The following EPHA10 variants were observed in gnomAD, a reference collection of about 807,000 sequenced individuals.
EPHA10 encodes the protein ephrin type-A receptor 10.
A neutral mutation model predicts 109.7 loss-of-function variants in EPHA10; 120 were observed. That is an observed-to-expected ratio of 1.09 (90% CI 0.94 to 1.27). The LOEUF is 1.27. EPHA10 is among the 50% of genes most tolerant of loss of function. The pLI, the probability that EPHA10 is intolerant of heterozygous loss-of-function variation, is 0.00. For synonymous variants in EPHA10, 640 were observed against 618.9 expected (o/e 1.03, Z -0.51); for missense variants, 1,396 against 1,411.1 (o/e 0.99, Z 0.17).
At position 37,719,540 on chromosome 1, in the gene EPHA10, C is replaced by T. The variant is rs200423720; in HGVS notation, c.2630G>A (p.Arg877Gln). ...PPRNCPNLLH[R>Q]LMLDCWQKDP... Reference sequence around the variant, plus strand: ...CTTCTGCCAGCAGTCGAGCATTAGTCGGTGCAGAAGGTTAGGACAGTTCCT... The same window carrying T: ...CTTCTGCCAGCAGTCGAGCATTAGTTGGTGCAGAAGGTTAGGACAGTTCCT... The change falls in exon 15 of 17, where the codon CGA (arginine) becomes CAA (glutamine). Residue 877 changes from arginine to glutamine, a missense_variant. Coordinates refer to ENST00000373048, the MANE Select transcript of EPHA10 (RefSeq NM_001099439.2). 3.4e-5 allele frequency: 55 copies of T among 1,613,926 alleles called. No homozygotes were observed. The African/African-American group carries it at 4.5e-4, about 13-fold the overall frequency.
At chr1:37,734,941 C>T (rs902465465) in intron 6 of EPHA10, among the ~76,000 whole-genome samples, 1 of 152,106 alleles carries the variant, frequency 6.6e-6, no homozygotes, top group Non-Finnish European at 1.5e-5. Context: ...TAAAAGGGCT[C>T]TACAAATGAT....
In EPHA10 at chr1:37,739,153, TAAAAA is replaced by T. The variant is rs375305312; in HGVS notation, c.1358-3768_1358-3764del. Among the ~76,000 whole-genome samples, 1,323 of 150,826 alleles carry T rather than the reference TAAAAA, an allele frequency of 8.8e-3. 16 individuals are homozygous for T. The highest frequency in any genetic ancestry group is 0.03 in the African/African-American group (1,235 of 40,982). ...TACCCTAGAACTTAAAGTATAATAATAAAAAAGAGTTAAAAAAAAGAAAAGAAAAA... is the reference window on the plus strand; with the variant it reads ...TACCCTAGAACTTAAAGTATAATAATAGAGTTAAAAAAAAGAAAAGAAAAA... On this transcript the variant is annotated intron_variant, in intron 5 of 16. Coordinates refer to ENST00000373048, the MANE Select transcript of EPHA10 (RefSeq NM_001099439.2).
At chr1:37,730,911 C>T (rs946927005) in intron 7 of EPHA10, among the ~76,000 whole-genome samples, 4 of 152,106 alleles carry the variant, frequency 2.6e-5, no homozygotes, top group Non-Finnish European at 5.9e-5. Flanking sequence ...AGGCTGGTCT[C>T]GAACTCCTGA....
downstream of EPHA10, among the ~76,000 whole-genome samples, chr1:37,715,493 C>T (rs1645678178): frequency 6.6e-6 from 1 of 152,124 alleles, no homozygotes; most frequent in African/African-American, 2.4e-5. Flanking sequence ...CTGGCTTCTA[C>T]CCCCATCTGA....
In EPHA10 at chr1:37,721,646, G is replaced by A; in HGVS notation, c.2146+14C>T. 3.1e-6 allele frequency: 5 copies of A among 1,593,924 alleles called. No homozygotes were observed. Among genetic ancestry groups the A allele is most frequent in the Non-Finnish European group, 4.3e-6 (5 of 1,168,874 alleles). On this transcript the variant is annotated intron_variant, in intron 11 of 16. Transcript: ENST00000373048. ...CCGTGGGCTGGGCAGCAGGAAGGGA[G>A]CACCGGGCCCTACCTCGGGTAACAA... is the stretch of plus-strand genomic sequence containing the variant.
chr1:37,742,319 A>G (rs1646167596), intron 5 of EPHA10, among the ~76,000 whole-genome samples: 1 of 152,184 alleles, frequency 6.6e-6, no homozygotes, highest in African/African-American at 2.4e-5. Context: ...TGACTTGGGT[A>G]ACTTCTGGCT....
At position 37,719,468 on chromosome 1, in the gene EPHA10, C is replaced by A; in HGVS notation, c.2702G>T (p.Ser901Ile). The change falls in exon 15 of 17, where the codon AGC becomes ATC. Residue 901 changes from serine to isoleucine, a missense_variant. Ser to Ile is a moderately radical substitution (Grantham distance 142, BLOSUM62 -2). Transcript: ENST00000373048. ...GGGCTCTGGGTCCTGCACCATCTTG[C>A]TCAGGATGCTGTGGATCTGGGAGAA... ...PRFSQIHSIL[S>I]KMVQDPEPPK... 6.2e-7 allele frequency: 1 copy of A among 1,613,978 alleles called. No individual in the cohort carries two copies. Among genetic ancestry groups the A allele is most frequent in the Non-Finnish European group, 8.5e-7 (1 of 1,180,012 alleles).
In EPHA10 at chr1:37,719,405, G is replaced by A. The variant is rs1250398348; in HGVS notation, c.2756+9C>T. ...GGTGAGAGGCTGGCTGTCCCATGTG[G>A]GAACGTACCTGGGACAGGTAGTCAG... On this transcript the variant is annotated intron_variant, in intron 15 of 16. Transcript: ENST00000373048. The A allele has an allele frequency of 6.2e-7, 1 of 1,609,368 alleles. No homozygotes were observed. The highest frequency in any genetic ancestry group is 1.3e-5 in the African/African-American group (1 of 74,884).
At chr1:37,760,519 C>T in intron 3 of EPHA10, 2 of 970,178 alleles carry the variant, frequency 2.1e-6, no homozygotes, top group Non-Finnish European at 2.5e-6. Context: ...ATCCCTCTCT[C>T]CAGCATAAAA....
chr1:37,737,975 A>G (rs1394505169), intron 5 of EPHA10: 1 of 41,592 alleles, frequency 2.4e-5, no homozygotes, highest in Non-Finnish European at 5.0e-5. Flanking sequence ...CAAGCGAGGC[A>G]GTGGGAGTGG....
intron 5 of EPHA10, among the ~76,000 whole-genome samples, chr1:37,750,662 C>G (rs1646308501): frequency 6.6e-6 from 1 of 151,846 alleles, no homozygotes; most frequent in Non-Finnish European, 1.5e-5. Context: ...TCGCTGCAGC[C>G]TCAAACTCCT....
Position 37,753,106 on chromosome 1 carries a change from A to C in EPHA10, c.1127T>G (p.Leu376Arg). 7.2e-7 allele frequency: 1 copy of C among 1,385,774 alleles called. No homozygotes were observed. The highest frequency in any genetic ancestry group is 2.9e-5 in the Admixed American group (1 of 34,708). 85.8% of individuals were successfully genotyped at this position (1,385,774 alleles called of 1,614,324 possible). ...GGRSDVTYSL[L>R]CLRCGREGPA... ...GCCCTCGCGGCCGCAGCGCAGGCAC[A>C]GCAGCGAGTAGGTGACGTCCGAGCG... The change falls in exon 5 of 17, where the codon CTG (leucine) becomes CGG (arginine). Residue 376 changes from leucine (L) to arginine (R), a missense_variant. Transcript: ENST00000373048.
In EPHA10 at chr1:37,760,375, G is replaced by A. The variant is rs563839735; in HGVS notation, c.850+1030C>T. 47 of 1,053,434 alleles carry A rather than the reference G, an allele frequency of 4.5e-5. 1 individual carries two copies. In the South Asian group the frequency reaches 1.8e-3, roughly 40 times the overall value. The allele number at this position is 1,053,434 out of a possible 1,614,324, so 65.3% of individuals were successfully genotyped here. Reference sequence around the variant, plus strand: ...CCACAGGCAAGAGAGAGAATGAGAGGTCTGTTCCTAATGCCCCCACTAGCC... The same window carrying A: ...CCACAGGCAAGAGAGAGAATGAGAGATCTGTTCCTAATGCCCCCACTAGCC... On this transcript the variant is annotated intron_variant, in intron 3 of 16. Coordinates refer to ENST00000373048, the MANE Select transcript of EPHA10 (RefSeq NM_001099439.2).
At chr1:37,731,651 C>T in intron 6 of EPHA10, 69 bp from the exon 7 acceptor site, 1 of 1,478,568 alleles carries the variant, frequency 6.8e-7, no homozygotes, top group Non-Finnish European at 9.1e-7. Context: ...AAAGGGTGAA[C>T]AGGAACAGGG....
chr1:37,721,246 C>T (rs1380854788), intron 11 of EPHA10, among the ~76,000 whole-genome samples: 10 of 145,426 alleles, frequency 6.9e-5, no homozygotes, highest in South Asian at 2.2e-4. Context: ...GGTGAAACCC[C>T]GTCTCTACTA....
At chr1:37,736,243 G>A (rs1353404735) in intron 5 of EPHA10, among the ~76,000 whole-genome samples, 9 of 152,070 alleles carry the variant, frequency 5.9e-5, no homozygotes, top group African/African-American at 2.2e-4. Context: ...ACGTCAGGTC[G>A]AGGCAGGTGG....
At position 37,719,322 on chromosome 1, in the gene EPHA10, G is replaced by C. The variant is rs951639254; in HGVS notation, c.2756+92C>G. On this transcript the variant is annotated intron_variant, in intron 15 of 16. Coordinates refer to ENST00000373048, the MANE Select transcript of EPHA10 (RefSeq NM_001099439.2). ...GGTGAACAATTGCTCTTGGACAGGT[G>C]GGGTGGTGGAGGCGGTGGGTTTGCA... 3.6e-6 allele frequency: 5 copies of C among 1,406,968 alleles called. No individual in the cohort carries two copies. The East Asian group carries it at 9.5e-5, about 27-fold the overall frequency. 87.2% of individuals were successfully genotyped at this position (1,406,968 alleles called of 1,614,324 possible).
At chr1:37,743,793 G>A (rs1294399297) in intron 5 of EPHA10, among the ~76,000 whole-genome samples, 1 of 152,122 alleles carries the variant, frequency 6.6e-6, no homozygotes, top group South Asian at 2.1e-4. Flanking sequence ...GGCAGGCTAG[G>A]TGCATTAAAT....
intron 1 of EPHA10, among the ~76,000 whole-genome samples, chr1:37,763,835 C>A (rs1392325350): frequency 6.6e-6 from 1 of 152,200 alleles, no homozygotes; most frequent in Non-Finnish European, 1.5e-5. Context: ...TGGAGAGATA[C>A]TGCTAACAAC....
Sources: allele counts gnomAD v4.1 joint callset (sites outside exome capture counted in the v4.1 genomes callset), GRCh38; gene constraint gnomAD v4.1.1; transcripts MANE v1.5; gene names NCBI Gene and HGNC (gene_info 2026-07-23, HGNC 2026-07-21).